The following NTNG1 variants were observed in gnomAD, a reference collection of about 807,000 sequenced individuals.
The protein encoded by NTNG1 is netrin-G1.
Under a neutral mutation model 54.0 loss-of-function variants are expected in NTNG1, and 16 were observed. The ratio of observed to expected loss-of-function variants is 0.30; its 90% CI spans 0.20 to 0.45. The LOEUF is 0.45. Among genes scored for constraint, NTNG1 ranks in the 20% least tolerant of loss-of-function variants. NTNG1 has a pLI of 1.00. For missense variants in NTNG1, 530 were observed against 678.7 expected, an observed-to-expected ratio of 0.78 and a Z score of 2.43; for synonymous variants, 255 against 263.1, an observed-to-expected ratio of 0.97 and a Z score of 0.30.
chr1:107,188,310 T>C (rs1657626746), intron 2 of NTNG1, among the ~76,000 whole-genome samples: 1 of 152,146 alleles, frequency 6.6e-6, no homozygotes. Flanking sequence ...GGGGTGATGC[T>C]TGGATGTCTT....
At chr1:107,264,903 C>T (rs1663630100) in intron 2 of NTNG1, among the ~76,000 whole-genome samples, 1 of 152,120 alleles carries the variant, frequency 6.6e-6, no homozygotes, top group Admixed American at 6.5e-5. Flanking sequence ...ATCAAATATG[C>T]AGGAAGGATG....
rs142651927 is a variant in NTNG1, at chr1:107,195,531, C to A, written c.246+46692C>A. On this transcript the variant is annotated intron_variant, in intron 2 of 7. Transcript: ENST00000370068. ...ATTTCACATGGGTAAAAGCCAAAGT[C>A]CTCACTATGTCCCACAAGGCCCTAC... Among the ~76,000 whole-genome samples, 149 of 152,010 alleles carry A rather than the reference C, an allele frequency of 9.8e-4. 3 individuals carry two copies. In the East Asian group the frequency reaches 0.025, roughly 25 times the overall value.
At chr1:107,275,743 G>A (rs551433358) in intron 2 of NTNG1, among the ~76,000 whole-genome samples, 4 of 152,190 alleles carry the variant, frequency 2.6e-5, no homozygotes, top group Non-Finnish European at 5.9e-5. Context: ...ACCCACATTA[G>A]GGAGAGAAAT....
chr1:107,266,300 A>G (rs1222469477), intron 2 of NTNG1, among the ~76,000 whole-genome samples: 2 of 152,200 alleles, frequency 1.3e-5, no homozygotes, highest in East Asian at 3.8e-4. Flanking sequence ...GGTAATTTAT[A>G]AAGAAAATAG....
At chr1:107,229,294 A>G (rs1000572463) in intron 2 of NTNG1, among the ~76,000 whole-genome samples, 1 of 150,036 alleles carries the variant, frequency 6.7e-6, no homozygotes, top group Non-Finnish European at 1.5e-5. Flanking sequence ...CCTCATCTGT[A>G]TACACTTGAT....
At chr1:107,304,323 A>C (rs923028753) in intron 2 of NTNG1, among the ~76,000 whole-genome samples, 1 of 152,088 alleles carries the variant, frequency 6.6e-6, no homozygotes, top group Non-Finnish European at 1.5e-5. Flanking sequence ...TCAACTATCT[A>C]GAGTGGCCCA....
intron 2 of NTNG1, among the ~76,000 whole-genome samples, chr1:107,227,685 C>CTCTT (rs796763617): frequency 6.7e-6 from 1 of 149,736 alleles, no homozygotes; most frequent in South Asian, 2.1e-4. Flanking sequence ...CTCTCTCTCT[C>CTCTT]TCTCACACAC....
chr1:107,208,065 T>A (rs920420487), intron 2 of NTNG1, among the ~76,000 whole-genome samples: 1 of 152,122 alleles, frequency 6.6e-6, no homozygotes, highest in Non-Finnish European at 1.5e-5. Flanking sequence ...GATGCTGAAG[T>A]GCTCAAGGCG....
At chr1:107,182,794 T>G (rs907854392) in intron 2 of NTNG1, among the ~76,000 whole-genome samples, 4 of 152,140 alleles carry the variant, frequency 2.6e-5, no homozygotes, top group African/African-American at 9.7e-5. Context: ...TTATCCTTCA[T>G]GAGAGACAAG....
intron 5 of NTNG1, chr1:107,408,629 T>C (rs544958755): frequency 6.6e-6 from 1 of 152,134 alleles, no homozygotes; most frequent in African/African-American, 2.4e-5. Context: ...TTTTAAATTT[T>C]TTTTTATACA....
chr1:107,181,550 G>GA (rs145118130), intron 2 of NTNG1, among the ~76,000 whole-genome samples: 7 of 151,352 alleles, frequency 4.6e-5, no homozygotes, highest in African/African-American at 1.7e-4. Flanking sequence ...GGTTTGTGAG[G>GA]AAAAAACTGT....
rs956396836 is a variant in NTNG1, at chr1:107,227,701, T to TAC, written c.246+78878_246+78879dup. On this transcript the variant is annotated intron_variant, in intron 2 of 7. Transcript: ENST00000370068. Reference sequence around the variant, plus strand: ...TCTCTCTCTCTCTCACACACACACATACACACACACACACACAGATAGACA... The same window carrying TAC: ...TCTCTCTCTCTCTCACACACACACATACACACACACACACACACAGATAGACA... 9.3e-4 allele frequency among the ~76,000 whole-genome samples: 137 copies of TAC among 146,606 alleles called. No homozygotes were observed. The East Asian group carries it at 0.011, about 12-fold the overall frequency.
chr1:107,372,915 C>G (rs987696626), intron 3 of NTNG1, among the ~76,000 whole-genome samples: 2 of 152,124 alleles, frequency 1.3e-5, no homozygotes, highest in African/African-American at 4.8e-5. Context: ...ATAGTCTTTG[C>G]TCTGAACCCT....
intron 2 of NTNG1, among the ~76,000 whole-genome samples, chr1:107,255,841 C>A (rs1216849276): frequency 6.6e-6 from 1 of 152,180 alleles, no homozygotes; most frequent in African/African-American, 2.4e-5. Flanking sequence ...ACCTTCCTTT[C>A]TTAGCCTATT....
chr1:107,402,036 G>A (rs1273347070), intron 4 of NTNG1, among the ~76,000 whole-genome samples: 2 of 152,176 alleles, frequency 1.3e-5, no homozygotes, highest in Non-Finnish European at 2.9e-5. Flanking sequence ...CACATAAGCA[G>A]CAAATTCTCC....
At chr1:107,444,684 C>T (rs1364768950) in intron 7 of NTNG1, among the ~76,000 whole-genome samples, 1 of 152,050 alleles carries the variant, frequency 6.6e-6, no homozygotes, top group Admixed American at 6.6e-5. Flanking sequence ...GACATGTATG[C>T]TCAAACTCCA....
chr1:107,322,259 A>G (rs932396784), intron 2 of NTNG1, among the ~76,000 whole-genome samples: 1 of 152,000 alleles, frequency 6.6e-6, no homozygotes, highest in African/African-American at 2.4e-5. Flanking sequence ...ACTTACTACA[A>G]ACATCTGATA....
At chr1:107,427,522 A>T (rs957665532) in intron 5 of NTNG1, among the ~76,000 whole-genome samples, 1 of 152,116 alleles carries the variant, frequency 6.6e-6, no homozygotes, top group Non-Finnish European at 1.5e-5. Flanking sequence ...AGAAAATAAT[A>T]TAGCAGTTTA....
At chr1:107,270,050 A>G (rs188768451) in intron 2 of NTNG1, among the ~76,000 whole-genome samples, 100 of 152,340 alleles carry the variant, frequency 6.6e-4, no homozygotes, top group African/African-American at 2.3e-3. Context: ...CTGCCATTTT[A>G]TTTCAAGCTG....
Sources: allele counts gnomAD v4.1 joint callset (sites outside exome capture counted in the v4.1 genomes callset), GRCh38; gene constraint gnomAD v4.1.1; transcripts MANE v1.5; gene names NCBI Gene and HGNC (gene_info 2026-07-23, HGNC 2026-07-21).